Variants in EYS observed in about 807,000 individuals in gnomAD.
The protein encoded by EYS is EGF-like photoreceptor maintenance factor.
A neutral mutation model predicts 282.1 loss-of-function variants in EYS; 250 were observed. The observed-to-expected ratio is 0.89, with a 90% CI of 0.80 to 0.98. The LOEUF is 0.98. Ranked by LOEUF, EYS falls within the 50% of genes least tolerant of loss-of-function variation. The probability of loss-of-function intolerance (pLI) is 0.00; values close to 1 mark genes in which losing one functional copy is unlikely to be tolerated. For missense variants in EYS, 4,016 were observed against 3,709.0 expected (o/e 1.08, Z -2.15); for synonymous variants, 1,355 against 1,282.9 (o/e 1.06, Z -1.20).
intron 12 of EYS, among the ~76,000 whole-genome samples, chr6:65,131,436 A>T (rs1309947536): frequency 6.6e-6 from 1 of 151,798 alleles, no homozygotes; most frequent in African/African-American, 2.4e-5. Context: ...ATCACTCAAA[A>T]CTGTGCAATT....
rs752743873 is a variant in EYS, at chr6:65,144,769, CT to C, written c.2024-87043del. ...GTTATTTTACCCATTAGTTTACTTA[CT>C]TTTTTTTTTTTTGAGATGGAGTCTC... On this transcript the variant is annotated intron_variant, in intron 12 of 42. Coordinates refer to ENST00000503581, the MANE Select transcript of EYS (RefSeq NM_001142800.2). Among the ~76,000 whole-genome samples the C allele has an allele frequency of 2.7e-3, 393 of 144,534 alleles. 1 individual carries two copies. The highest frequency in any genetic ancestry group is 5.3e-3 in the African/African-American group (212 of 39,636). The allele number at this position is 144,534 out of a possible 152,430, so 94.8% of individuals were successfully genotyped here.
intron 11 of EYS, among the ~76,000 whole-genome samples, chr6:65,315,953 C>T (rs1407040866): frequency 6.6e-6 from 1 of 151,602 alleles, no homozygotes; most frequent in East Asian, 1.9e-4. Flanking sequence ...AGTTATTCTC[C>T]TTGGTAAATA....
At chr6:64,424,041 T>G (rs572492574) in intron 28 of EYS, among the ~76,000 whole-genome samples, 1 of 152,056 alleles carries the variant, frequency 6.6e-6, no homozygotes, top group African/African-American at 2.4e-5. Flanking sequence ...ACCATTTGAA[T>G]AAAATTAAGT....
At chr6:65,594,467 A>C (rs1765338032) in intron 2 of EYS, among the ~76,000 whole-genome samples, 1 of 152,056 alleles carries the variant, frequency 6.6e-6, no homozygotes, top group African/African-American at 2.4e-5. Context: ...ATTCAAACTT[A>C]GTTACATTAC....
intron 35 of EYS, among the ~76,000 whole-genome samples, chr6:63,924,820 C>T (rs1454662095): frequency 6.6e-6 from 1 of 152,042 alleles, no homozygotes; most frequent in Non-Finnish European, 1.5e-5. Context: ...GGCTTTTTTT[C>T]CTCTTTGGTG....
At chr6:65,172,223 T>G (rs1404846686) in intron 12 of EYS, among the ~76,000 whole-genome samples, 1 of 151,516 alleles carries the variant, frequency 6.6e-6, no homozygotes, top group African/African-American at 2.4e-5. Context: ...CAGTCTATGA[T>G]TTCATAGAAG....
intron 15 of EYS, among the ~76,000 whole-genome samples, chr6:64,930,377 C>T (rs1191305161): frequency 6.7e-6 from 1 of 150,208 alleles, no homozygotes; most frequent in Non-Finnish European, 1.5e-5. Flanking sequence ...AGATATTGTG[C>T]CATAGATTGC....
chr6:63,768,864 A>G (rs1419704064), intron 40 of EYS, among the ~76,000 whole-genome samples: 7 of 152,198 alleles, frequency 4.6e-5, no homozygotes, highest in Admixed American at 4.6e-4. Flanking sequence ...AATGTGGTAC[A>G]TATATACCAT....
At chr6:65,369,203 G>T (rs1214223182) in intron 8 of EYS, among the ~76,000 whole-genome samples, 3 of 148,030 alleles carry the variant, frequency 2.0e-5, no homozygotes, top group African/African-American at 7.4e-5. Flanking sequence ...GAAAAGCAAA[G>T]TTTGTGACCA....
At chr6:64,671,764 G>A (rs963952683) in intron 22 of EYS, among the ~76,000 whole-genome samples, 5 of 152,026 alleles carry the variant, frequency 3.3e-5, no homozygotes, top group Middle Eastern at 3.4e-3. Context: ...AGAAGAGGGA[G>A]ACACTCAGTG....
At chr6:63,774,145 G>A (rs182457085) in intron 40 of EYS, among the ~76,000 whole-genome samples, 1 of 150,784 alleles carries the variant, frequency 6.6e-6, no homozygotes, top group African/African-American at 2.4e-5. Context: ...ACTTGTTTTT[G>A]TAAGTTTTGT....
chr6:64,179,700 T>C (rs1764735836), intron 31 of EYS, among the ~76,000 whole-genome samples: 1 of 152,128 alleles, frequency 6.6e-6, no homozygotes, highest in African/African-American at 2.4e-5. Context: ...TAATTGTTAT[T>C]AGTGACCCAT....
chr6:64,394,599 TC>T (rs1247519257), intron 28 of EYS, among the ~76,000 whole-genome samples: 1 of 151,888 alleles, frequency 6.6e-6, no homozygotes, highest in Non-Finnish European at 1.5e-5. Flanking sequence ...TGAAACTGGA[TC>T]CCTTCCTTAC....
chr6:64,658,823 G>T (rs1230878621), intron 22 of EYS, among the ~76,000 whole-genome samples: 3 of 152,172 alleles, frequency 2.0e-5, no homozygotes, highest in Admixed American at 6.5e-5. Flanking sequence ...ATATTAGACA[G>T]ATCAACGAGA....
At chr6:65,524,810 A>C (rs1767495556) in intron 2 of EYS, among the ~76,000 whole-genome samples, 1 of 152,246 alleles carries the variant, frequency 6.6e-6, no homozygotes. Flanking sequence ...CAAAGTATCT[A>C]ATATAGCAAG....
At chr6:64,568,731 C>G (rs1765631901) in intron 26 of EYS, among the ~76,000 whole-genome samples, 1 of 152,136 alleles carries the variant, frequency 6.6e-6, no homozygotes, top group Non-Finnish European at 1.5e-5. Context: ...TACAAGAGAG[C>G]TCCAGCTGGC....
At chr6:65,453,063 T>C (rs1389682080) in intron 5 of EYS, among the ~76,000 whole-genome samples, 1 of 152,062 alleles carries the variant, frequency 6.6e-6, no homozygotes, top group Non-Finnish European at 1.5e-5. Flanking sequence ...TGTTTGTTCA[T>C]ATTTTTCAAA....
At chr6:64,875,807 G>A (rs1766732924) in intron 19 of EYS, among the ~76,000 whole-genome samples, 1 of 151,880 alleles carries the variant, frequency 6.6e-6, no homozygotes, top group Non-Finnish European at 1.5e-5. Context: ...TAATTTATCT[G>A]AGGCCAATTA....
In EYS at chr6:64,281,121, T is replaced by G. The variant is rs186434553; in HGVS notation, c.6191+25849A>C. Among the ~76,000 whole-genome samples the G allele has an allele frequency of 1.1e-3, 161 of 152,208 alleles. 3 individuals are homozygous for G. Among genetic ancestry groups the G allele is most frequent in the Non-Finnish European group, 3.4e-4 (23 of 67,976 alleles). On this transcript the variant is annotated intron_variant, in intron 30 of 42. Transcript: ENST00000503581. ...TAATATTCAAAATATAAACAAAAAT[T>G]GATATACTTAATGCCTGGACACTGC...
Sources: gnomAD v4.1 joint callset for allele counts (sites outside exome capture counted in the v4.1 genomes callset) on GRCh38, gnomAD v4.1.1 for gene constraint, MANE v1.5 for transcripts, NCBI Gene and HGNC (gene_info 2026-07-23, HGNC 2026-07-21) for gene names.